Variants in POLQ observed in about 807,000 individuals in gnomAD.
POLQ encodes epididymis secretory sperm binding protein.
In POLQ, 233 loss-of-function variants were observed where a neutral mutation model predicts 259.2. The observed-to-expected ratio is 0.90, with a 90% CI of 0.81 to 1.00. The LOEUF is 1.00. Ranked by LOEUF, POLQ falls within the 50% of genes least tolerant of loss-of-function variation. POLQ has a pLI of 0.00. For missense variants in POLQ, 2,871 were observed against 3,051.6 expected (o/e 0.94, Z 1.39); for synonymous variants, 1,025 against 1,048.8 (o/e 0.98, Z 0.44).
chr3:121,545,703 T>C lies in POLQ; in HGVS notation c.163+12A>G, dbSNP rs1027913455. Reference sequence around the variant, plus strand: ...CCCCCGTTGCCCGCGGCCTCCCGGGTTCCTGGAGCACCTGCAGCTGCGGCC... The same window carrying C: ...CCCCCGTTGCCCGCGGCCTCCCGGGCTCCTGGAGCACCTGCAGCTGCGGCC... On this transcript the variant is annotated intron_variant, in intron 1 of 29. Coordinates refer to ENST00000264233, the MANE Select transcript of POLQ (RefSeq NM_199420.4). 4 of 1,539,076 alleles carry C rather than the reference T, an allele frequency of 2.6e-6. No individual in the cohort carries two copies. The highest frequency in any genetic ancestry group is 3.5e-6 in the Non-Finnish European group (4 of 1,144,130).
In POLQ at chr3:121,436,289, T is replaced by G. The variant is rs1305282842; in HGVS notation, c.7390-14A>C. On this transcript the variant is annotated splice_polypyrimidine_tract_variant and intron_variant, in intron 27 of 29. Coordinates refer to ENST00000264233, the MANE Select transcript of POLQ (RefSeq NM_199420.4). ...TTGACGCTCAGCCTAGAAAAAACAA[T>G]CAACAGGTGCTCCACCAGATATGCC... 11 of 1,612,890 alleles carry G rather than the reference T, an allele frequency of 6.8e-6. No homozygotes were observed. In the South Asian group the frequency reaches 1.2e-4, roughly 18 times the overall value.
At chr3:121,508,030 T>TG (rs1463291329) in intron 12 of POLQ, among the ~76,000 whole-genome samples, 24 of 151,016 alleles carry the variant, frequency 1.6e-4, no homozygotes, top group African/African-American at 5.4e-4. Flanking sequence ...TTTTTTTTTT[T>TG]TTTTTGTTTG....
In POLQ at chr3:121,481,700, C is replaced by G. The variant is rs758135061; in HGVS notation, c.6083G>C (p.Gly2028Ala). The change falls in exon 19 of 30, where the codon GGG becomes GCG. Residue 2028 changes from glycine (G) to alanine (A), a missense_variant. By Grantham distance (60) the Gly-to-Ala change is moderately conservative. Transcript: ENST00000264233. ...AGCATTTAGCCCCAGGCTTTGAATC[C>G]CTTGGCTGGTCTCCATCCCTTCTAG... ...PLLEGMETSQ[G>A]IQSLGLNAGS... 6.2e-7 allele frequency: 1 copy of G among 1,614,006 alleles called. No homozygotes were observed. Among genetic ancestry groups the G allele is most frequent in the East Asian group, 2.2e-5 (1 of 44,880 alleles).
intron 19 of POLQ, 64 bp downstream of exon 19, chr3:121,481,508 T>TTTTAAAA: frequency 7.0e-7 from 1 of 1,429,660 alleles, no homozygotes; most frequent in Non-Finnish European, 9.5e-7. Flanking sequence ...CCATTTTTGA[T>TTTTAAAA]AAAGAGTGGC....
chr3:121,494,548 G>A, intron 14 of POLQ: 1 of 1,582,540 alleles, frequency 6.3e-7, no homozygotes, highest in South Asian at 1.1e-5. Context: ...CCACCTTGGT[G>A]GAGAACAAGA....
intron 9 of POLQ, 149 bp downstream of exon 9, chr3:121,519,722 A>C (rs2048324747): frequency 1.5e-6 from 1 of 664,598 alleles, no homozygotes; most frequent in African/African-American, 1.8e-5. Flanking sequence ...CTCACTATAA[A>C]TATTAAGTGA....
chr3:121,436,754 C>T (rs1200960237), intron 27 of POLQ, among the ~76,000 whole-genome samples: 1 of 151,810 alleles, frequency 6.6e-6, no homozygotes, highest in Non-Finnish European at 1.5e-5. Context: ...AGGTATGGAG[C>T]CCTCTGATGT....
rs1479424437 is a variant in POLQ, at chr3:121,487,357, C to A, written c.5574G>T (p.Lys1858Asn). Reference sequence around the variant, plus strand: ...TTTTAGAAGATGTCAAACTTCTAATCTTTTCACAAGCCAGTGAGATGGAAA... The same window carrying A: ...TTTTAGAAGATGTCAAACTTCTAATATTTTCACAAGCCAGTGAGATGGAAA... ...KRFSISLACE[K>N]IRSLTSSKTA... is the part of the protein sequence containing the mutation. The change falls in exon 16 of 30, where the codon AAG (lysine) becomes AAT (asparagine). Residue 1858 changes from lysine (K) to asparagine (N), a missense_variant. By Grantham distance (94) the Lys-to-Asn change is moderately conservative. Transcript: ENST00000264233. 6.2e-7 allele frequency: 1 copy of A among 1,612,996 alleles called. No homozygotes were observed. The highest frequency in any genetic ancestry group is 8.5e-7 in the Non-Finnish European group (1 of 1,179,636).
Position 121,467,619 on chromosome 3 carries a change from G to A in POLQ, c.6867C>T (p.Phe2289=), listed in dbSNP as rs747974309. The A allele has an allele frequency of 6.2e-7, 1 of 1,613,700 alleles. No homozygotes were observed. The highest frequency in any genetic ancestry group is 1.7e-5 in the Admixed American group (1 of 60,000). The change falls in exon 24 of 30, where the codon TTC becomes TTT. Residue 2289 remains phenylalanine, a synonymous_variant. Coordinates refer to ENST00000264233, the MANE Select transcript of POLQ (RefSeq NM_199420.4). ...PMGRGKYKKG[F]SVNPRCQAQM... ...GTGCCTGGCATCTAGGATTCACGCTGAAACCCTTCTTATATTTTCCTCTGT... is the reference window on the plus strand; with the variant it reads ...GTGCCTGGCATCTAGGATTCACGCTAAAACCCTTCTTATATTTTCCTCTGT...
chr3:121,477,963 C>A lies in POLQ; in HGVS notation c.6212-1230G>T, dbSNP rs535294918. 5.9e-5 allele frequency among the ~76,000 whole-genome samples: 9 copies of A among 152,216 alleles called. No homozygotes were observed. In the South Asian group the frequency reaches 1.9e-3, roughly 32 times the overall value. The stretch of plus-strand genomic sequence containing the variant: ...AGCCTGGAACTAGTGGAGAAATTCA[C>A]GTTACTTGAGACTAGAGAAATAATG... On this transcript the variant is annotated intron_variant, in intron 19 of 29. Coordinates refer to ENST00000264233, the MANE Select transcript of POLQ (RefSeq NM_199420.4).
intron 26 of POLQ, among the ~76,000 whole-genome samples, chr3:121,442,450 C>T (rs961086529): frequency 6.6e-6 from 1 of 152,160 alleles, no homozygotes; most frequent in Non-Finnish European, 1.5e-5. Context: ...AATACCCTTC[C>T]CAGCTTCTGG....
At chr3:121,478,059 A>G (rs1239867114) in intron 19 of POLQ, among the ~76,000 whole-genome samples, 1 of 152,192 alleles carries the variant, frequency 6.6e-6, no homozygotes, top group Non-Finnish European at 1.5e-5. Flanking sequence ...CTGCATCCAT[A>G]GCCATTAGGA....
intron 9 of POLQ, among the ~76,000 whole-genome samples, chr3:121,513,194 G>C (rs960485319): frequency 6.6e-6 from 1 of 152,098 alleles, no homozygotes; most frequent in Non-Finnish European, 1.5e-5. Context: ...AGAAGGTACA[G>C]ATTATCCTTC....
At chr3:121,461,407 C>T (rs745603088) in intron 24 of POLQ, among the ~76,000 whole-genome samples, 6 of 152,088 alleles carry the variant, frequency 3.9e-5, no homozygotes, top group Non-Finnish European at 8.8e-5. Flanking sequence ...AATCCTAGCA[C>T]TTTGGGAGGC....
intron 12 of POLQ, among the ~76,000 whole-genome samples, chr3:121,503,215 T>C (rs188513459): frequency 6.6e-6 from 1 of 152,358 alleles, no homozygotes; most frequent in Admixed American, 6.5e-5. Context: ...TAGAGTAACA[T>C]GCCAAACAAG....
chr3:121,511,837 C>A, intron 10 of POLQ, 50 bp downstream of exon 10: 1 of 1,371,986 alleles, frequency 7.3e-7, no homozygotes, highest in Non-Finnish European at 1.0e-6. Context: ...TAACATTTTA[C>A]TAATTTAGGC....
intron 18 of POLQ, among the ~76,000 whole-genome samples, chr3:121,482,804 G>A (rs1313307249): frequency 1.3e-5 from 2 of 152,030 alleles, no homozygotes; most frequent in East Asian, 3.8e-4. Context: ...TCTTTTGTAG[G>A]TTAAGAATAA....
At chr3:121,534,748 T>C (rs2048438615) in intron 5 of POLQ, among the ~76,000 whole-genome samples, 1 of 152,240 alleles carries the variant, frequency 6.6e-6, no homozygotes, top group Non-Finnish European at 1.5e-5. Flanking sequence ...ACAAGTTTTG[T>C]TAAGAGATAT....
rs550174082 is a variant in POLQ, at chr3:121,468,481, T to C, written c.6719-50A>G. 5.0e-6 allele frequency: 7 copies of C among 1,402,302 alleles called. No homozygotes were observed. The South Asian group carries it at 8.4e-5, about 17-fold the overall frequency. The allele number at this position is 1,402,302 out of a possible 1,614,324, so 86.9% of individuals were successfully genotyped here. A position where few individuals can be genotyped will look rare whatever the true frequency, so the allele number is the denominator to read the frequency against. ...TAAAATCAGGAAAAAAAATCTAGTA[T>C]TTGTCTTAACAGTATTCACATTTCT... is the stretch of plus-strand genomic sequence containing the variant. On this transcript the variant is annotated intron_variant, in intron 22 of 29. Transcript: ENST00000264233.
Sources: gnomAD v4.1 joint callset for allele counts (sites outside exome capture counted in the v4.1 genomes callset) on GRCh38, gnomAD v4.1.1 for gene constraint, MANE v1.5 for transcripts, NCBI Gene and HGNC (gene_info 2026-07-23, HGNC 2026-07-21) for gene names.